Variants in TRAK2 observed in about 807,000 individuals in gnomAD.
The protein encoded by TRAK2 is trafficking kinesin protein 2, also known as trafficking kinesin-binding protein 2.
Under a neutral mutation model 104.6 loss-of-function variants are expected in TRAK2, and 81 were observed. The observed-to-expected ratio is 0.77, with a 90% CI of 0.65 to 0.93. TRAK2 has a LOEUF of 0.93. Ranked by LOEUF, TRAK2 falls within the 40% of genes least tolerant of loss-of-function variation. The probability of loss-of-function intolerance (pLI) is 0.00; values close to 1 mark genes in which losing one functional copy is unlikely to be tolerated. For missense variants in TRAK2, 1,002 were observed against 1,089.0 expected (o/e 0.92, Z 1.12); for synonymous variants, 406 against 394.4 (o/e 1.03, Z -0.35).
intron 1 of TRAK2, among the ~76,000 whole-genome samples, chr2:201,430,283 C>CG (rs1399264819): frequency 6.6e-6 from 1 of 152,222 alleles, no homozygotes; most frequent in Non-Finnish European, 1.5e-5. Context: ...GTCAGGGACC[C>CG]GCTTGAGGAG....
chr2:201,435,881 G>A (rs1258111856), intron 1 of TRAK2, among the ~76,000 whole-genome samples: 3 of 152,046 alleles, frequency 2.0e-5, no homozygotes, highest in African/African-American at 7.2e-5. Flanking sequence ...AGCTCAGAGA[G>A]AACACCAGAA....
Position 201,381,103 on chromosome 2 carries a change from G to T in TRAK2, c.2185C>A (p.Arg729=). 3 of 1,614,020 alleles carry T rather than the reference G, an allele frequency of 1.9e-6. No individual in the cohort carries two copies. Among genetic ancestry groups the T allele is most frequent in the Non-Finnish European group, 1.7e-6 (2 of 1,179,976 alleles). The change falls in exon 16 of 16, where the codon CGA becomes AGA. Residue 729 remains arginine (R), a synonymous_variant. Transcript: ENST00000332624. ...LSIGESITNR[R]DSTTTFSSTM... ...CTACTGAAGGTTGTAGTGGAATCTCGTCGGTTGGTGATGGACTCACCAATG... is the reference window on the plus strand; with the variant it reads ...CTACTGAAGGTTGTAGTGGAATCTCTTCGGTTGGTGATGGACTCACCAATG...
chr2:201,394,473 T>C (rs1254728934), intron 9 of TRAK2, among the ~76,000 whole-genome samples: 1 of 151,970 alleles, frequency 6.6e-6, no homozygotes, highest in Non-Finnish European at 1.5e-5. Flanking sequence ...CCTGGGTAGC[T>C]GGGATTACAG....
chr2:201,411,702 G>C lies in TRAK2; in HGVS notation c.92-4105C>G, dbSNP rs1576521596. ...AATGCCTAAAATACCCATGAGGACT[G>C]CAGACTCTTTGGATGGAATTTGTTG... On this transcript the variant is annotated intron_variant, in intron 2 of 15. Transcript: ENST00000332624. The C allele has an allele frequency of 1.3e-4, 105 of 779,800 alleles. 1 individual carries two copies. In the East Asian group the frequency reaches 2.6e-3, roughly 19 times the overall value. 48.3% of individuals were successfully genotyped at this position (779,800 alleles called of 1,614,324 possible).
rs1392458902 is a variant in TRAK2 at position 201,388,079 on chromosome 2, A to T, written c.1398-78T>A. The T allele has an allele frequency of 2.1e-6, 3 of 1,404,222 alleles. No individual in the cohort carries two copies. The African/African-American group carries it at 4.2e-5, about 20-fold the overall frequency. The allele number at this position is 1,404,222 out of a possible 1,614,324, so 87.0% of individuals were successfully genotyped here. ...CAGACCTCTCCTTTCTATAATGGTA[A>T]GCATTCAAGAGACTGATATTAAAAA... On this transcript the variant is annotated intron_variant, in intron 12 of 15. Coordinates refer to ENST00000332624, the MANE Select transcript of TRAK2 (RefSeq NM_015049.3).
At chr2:201,433,068 A>G (rs1012559784) in intron 1 of TRAK2, among the ~76,000 whole-genome samples, 1 of 152,216 alleles carries the variant, frequency 6.6e-6, no homozygotes, top group Non-Finnish European at 1.5e-5. Flanking sequence ...AGACTCACTA[A>G]TTTTAATGTA....
chr2:201,441,694 T>C (rs959957823), intron 1 of TRAK2, among the ~76,000 whole-genome samples: 3 of 151,606 alleles, frequency 2.0e-5, no homozygotes, highest in Non-Finnish European at 2.9e-5. Context: ...TTTTTTTTTT[T>C]TTAATTTTCT....
Position 201,394,881 on chromosome 2 carries a change from A to T in TRAK2, c.901-9T>A. 1 of 1,611,402 alleles carries T rather than the reference A, an allele frequency of 6.2e-7. No individual in the cohort carries two copies. The highest frequency in any genetic ancestry group is 8.5e-7 in the Non-Finnish European group (1 of 1,178,558). ...TCCTTCTCAATCACATGCTAACAAC[A>T]TATTAAAAAAGACATGTGAAGCCTT... On this transcript the variant is annotated splice_polypyrimidine_tract_variant and intron_variant, in intron 8 of 15. Transcript: ENST00000332624.
intron 15 of TRAK2, among the ~76,000 whole-genome samples, chr2:201,383,644 T>A (rs1325906592): frequency 6.6e-6 from 1 of 152,216 alleles, no homozygotes; most frequent in Non-Finnish European, 1.5e-5. Context: ...TTAACCTGTA[T>A]TCGTTCCTTG....
At chr2:201,420,261 C>A (rs984272679) in intron 2 of TRAK2, among the ~76,000 whole-genome samples, 156 bp downstream of exon 2, 7 of 152,134 alleles carry the variant, frequency 4.6e-5, no homozygotes, top group Admixed American at 2.6e-4. Flanking sequence ...TCAGGGGACA[C>A]AGGGGATGGA....
At chr2:201,383,552 A>G (rs571410233) in intron 15 of TRAK2, among the ~76,000 whole-genome samples, 5 of 152,352 alleles carry the variant, frequency 3.3e-5, no homozygotes, top group African/African-American at 1.2e-4. Flanking sequence ...CCACATATCA[A>G]TACCAGGAGA....
chr2:201,407,547 C>T lies in TRAK2; in HGVS notation c.142G>A (p.Glu48Lys). ...AGCCTATACTGTGGTAGTTGTTCTT[C>T]TAGCAGACTCACCAGCTCAACTTCA... Reference protein sequence around the residue: ...LPEVELVSLLEEQLPQYRLKV... With the variant: ...LPEVELVSLLKEQLPQYRLKV... Residue 48 changes from glutamate (E) to lysine (K), a missense_variant, in exon 3 of 16, where the codon GAA becomes AAA. Transcript: ENST00000332624. The T allele has an allele frequency of 6.2e-7, 1 of 1,614,006 alleles. No individual in the cohort carries two copies. The highest frequency in any genetic ancestry group is 8.5e-7 in the Non-Finnish European group (1 of 1,179,980).
rs1449054217 is a variant in TRAK2, at chr2:201,386,468, A to G, written c.1713T>C (p.Tyr571=). The change falls in exon 14 of 16, where the codon TAT becomes TAC. Residue 571 remains tyrosine (Y), a synonymous_variant. Transcript: ENST00000332624. The part of the protein sequence containing the change: ...VKPLEGSQTL[Y]HWQQLAQPNL... ...TTGGTTGAGCAAGCTGCTGCCAGTG[A>G]TACAGAGTTTGTGATCCTGAATATG... 6.2e-7 allele frequency: 1 copy of G among 1,614,176 alleles called. No individual in the cohort carries two copies. Among genetic ancestry groups the G allele is most frequent in the Non-Finnish European group, 8.5e-7 (1 of 1,179,996 alleles).
At chr2:201,406,735 T>G in intron 3 of TRAK2, among the ~76,000 whole-genome samples, 1 of 152,228 alleles carries the variant, frequency 6.6e-6, no homozygotes, top group Non-Finnish European at 1.5e-5. Flanking sequence ...AATGAATTTT[T>G]AGAAAAGTAA....
In TRAK2 at chr2:201,420,676, A is replaced by T. The variant is rs1383488428; in HGVS notation, c.-169T>A. The T allele has an allele frequency of 6.8e-6, 4 of 585,278 alleles. No homozygotes were observed. The highest frequency in any genetic ancestry group is 1.9e-5 in the African/African-American group (1 of 53,540). The allele number at this position is 585,278 out of a possible 1,614,324, so 36.3% of individuals were successfully genotyped here. A position where few individuals can be genotyped will look rare whatever the true frequency, so the allele number is the denominator to read the frequency against. On this transcript the variant is annotated 5_prime_UTR_variant, in exon 2 of 16. The change abolishes an upstream ATG in the 5' untranslated region. Transcript: ENST00000332624. The stretch of plus-strand genomic sequence containing the variant: ...GACATCCGTAGCAACGAGCACTCTC[A>T]TGTGATTATCATACTTTGGACAGTC...
rs565196717 is a variant in TRAK2 at position 201,392,532 on chromosome 2, C to T, written c.1113+377G>A. On this transcript the variant is annotated intron_variant, in intron 10 of 15. Transcript: ENST00000332624. ...TTACATTCTAACAAGTTAAAAATATCAGGAGACTCAAGATTTATTGAAAGA... is the reference window on the plus strand; with the variant it reads ...TTACATTCTAACAAGTTAAAAATATTAGGAGACTCAAGATTTATTGAAAGA... 3.3e-5 allele frequency among the ~76,000 whole-genome samples: 5 copies of T among 152,156 alleles called. No homozygotes were observed. The East Asian group carries it at 9.7e-4, about 29-fold the overall frequency.
rs569315572 is a variant in TRAK2, at chr2:201,430,494, G to T, written c.-199-9788C>A. Among the ~76,000 whole-genome samples, 4 of 152,322 alleles carry T rather than the reference G, an allele frequency of 2.6e-5. No homozygotes were observed. In the South Asian group the frequency reaches 6.2e-4, roughly 24 times the overall value. On this transcript the variant is annotated intron_variant, in intron 1 of 15. Coordinates refer to ENST00000332624, the MANE Select transcript of TRAK2 (RefSeq NM_015049.3). ...GGCTCCACTCAGTTTGAGCTTCCCG[G>T]CTTCTTTGTTTACCTACTCAAGCTT...
chr2:201,380,692 G>A lies in TRAK2; in HGVS notation c.2596C>T (p.Gln866Ter), dbSNP rs139733576. ...GRCQEAEIGP[Q>*]KPDSAVYLNS... ...AAATAAACAGCAGAATCTGGTTTTT[G>A]AGGACCAATTTCTGCCTCCTGGCAT... Residue 866 changes from glutamine to a stop codon, truncating the protein, a stop_gained, in exon 16 of 16, where the codon CAA (glutamine) becomes TAA (stop). Transcript: ENST00000332624. LOFTEE classifies it high-confidence loss of function. 4.9e-4 allele frequency: 790 copies of A among 1,614,070 alleles called. 3 individuals carry two copies. The highest frequency in any genetic ancestry group is 5.4e-4 in the Non-Finnish European group (633 of 1,179,976).
chr2:201,407,970 T>C (rs905385212), intron 2 of TRAK2, among the ~76,000 whole-genome samples: 1 of 152,164 alleles, frequency 6.6e-6, no homozygotes, highest in African/African-American at 2.4e-5. Context: ...ACCTCAAGCA[T>C]TTATCATTTC....
Sources: allele counts gnomAD v4.1 joint callset (sites outside exome capture counted in the v4.1 genomes callset), GRCh38; gene constraint gnomAD v4.1.1; transcripts MANE v1.5; gene names NCBI Gene and HGNC (gene_info 2026-07-23, HGNC 2026-07-21).